COL12A1: variants seen among roughly 807,000 people sequenced by gnomAD.
The protein encoded by COL12A1 is collagen alpha-1(XII) chain.
A neutral mutation model predicts 349.7 loss-of-function variants in COL12A1; 114 were observed. That is an observed-to-expected ratio of 0.33 (90% CI 0.28 to 0.38). The LOEUF (loss-of-function observed/expected upper bound fraction) is 0.38. Ranked by LOEUF, COL12A1 falls within the 10% of genes least tolerant of loss-of-function variation. The pLI, the probability that COL12A1 is intolerant of heterozygous loss-of-function variation, is 1.00. For synonymous variants in COL12A1, 1,369 were observed against 1,329.0 expected (o/e 1.03, Z -0.66); for missense variants, 3,284 against 3,756.9 (o/e 0.87, Z 3.29).
chr6:75,165,358 T>A, intron 14 of COL12A1, 149 bp downstream of exon 14: 1 of 1,104,924 alleles, frequency 9.1e-7, no homozygotes, highest in Non-Finnish European at 1.3e-6. Flanking sequence ...ACTCTGAATT[T>A]AAGCCAAATT....
At chr6:75,092,598 C>T (rs1261935088) in intron 60 of COL12A1, among the ~76,000 whole-genome samples, 1 of 135,870 alleles carries the variant, frequency 7.4e-6, no homozygotes, top group Non-Finnish European at 1.5e-5. Flanking sequence ...TCTCACCATC[C>T]CCATGGAAAC....
intron 25 of COL12A1, 115 bp from the exon 26 acceptor site, chr6:75,143,503 T>C (rs948487354): frequency 5.4e-6 from 6 of 1,113,652 alleles, no homozygotes; most frequent in Non-Finnish European, 7.6e-6. Context: ...TTTGGCAAAA[T>C]AACTGAAAAA....
chr6:75,198,464 T>A lies in COL12A1; in HGVS notation c.74-3517A>T, dbSNP rs1219364198. Among the ~76,000 whole-genome samples, 3 of 150,596 alleles carry A rather than the reference T, an allele frequency of 2.0e-5. No individual in the cohort carries two copies. The South Asian group carries it at 6.2e-4, about 31-fold the overall frequency. On this transcript the variant is annotated intron_variant, in intron 2 of 65. Transcript: ENST00000322507. The stretch of plus-strand genomic sequence containing the variant: ...GTGCATATATTATACATATTACATA[T>A]GTATTACATATGTAATATTGTTATT...
chr6:75,101,876 G>C (rs1350986701), intron 57 of COL12A1, 123 bp downstream of exon 57: 6 of 1,137,584 alleles, frequency 5.3e-6, no homozygotes, highest in African/African-American at 1.5e-5. Context: ...GTATGAAATG[G>C]AAATGAGGTG....
Position 75,177,762 on chromosome 6 carries a change from C to T in COL12A1, c.2338G>A (p.Glu780Lys). 1 of 1,614,044 alleles carries T rather than the reference C, an allele frequency of 6.2e-7. No individual in the cohort carries two copies. Among genetic ancestry groups the T allele is most frequent in the Non-Finnish European group, 8.5e-7 (1 of 1,180,008 alleles). Residue 780 changes from glutamate (E) to lysine (K), a missense_variant, in exon 12 of 66, where the codon GAG becomes AAG. Glu to Lys is a moderately conservative substitution (Grantham distance 56, BLOSUM62 1). Coordinates refer to ENST00000322507, the MANE Select transcript of COL12A1 (RefSeq NM_004370.6). ...TPPNQRRRTL[E>K]NLIPDTKYEV... is the part of the protein sequence containing the mutation. ...TATTTCGTGTCTGGAATCAAGTTCT[C>T]CAGTGTTCTCCTCCTCTGATTGGGT...
chr6:75,167,525 A>G (rs1437707669), intron 13 of COL12A1, among the ~76,000 whole-genome samples: 4 of 152,182 alleles, frequency 2.6e-5, no homozygotes, highest in Non-Finnish European at 5.9e-5. Context: ...TTTTAAAACA[A>G]TTTCAGCTTT....
chr6:75,179,593 A>G (rs1769158484), intron 11 of COL12A1, among the ~76,000 whole-genome samples: 1 of 152,078 alleles, frequency 6.6e-6, no homozygotes, highest in African/African-American at 2.4e-5. Context: ...TGTTTCACAG[A>G]AAAAAGATTC....
rs763108669 is a variant in COL12A1, at chr6:75,191,705, T to A, written c.390A>T (p.Ile130=). ...PVEKKPGKTE[I]QKCSVSAWTD... ...AATAGTAAGAGAAACACTCACTTTG[T>A]ATCTCGGTTTTTCCAGGTTTCTTCT... The change falls in exon 5 of 66, where the codon ATA becomes ATT. Residue 130 remains isoleucine (I), a synonymous_variant. Coordinates refer to ENST00000322507, the MANE Select transcript of COL12A1 (RefSeq NM_004370.6). The A allele has an allele frequency of 4.4e-6, 7 of 1,596,952 alleles. No homozygotes were observed. The highest frequency in any genetic ancestry group is 6.0e-6 in the Non-Finnish European group (7 of 1,171,358).
chr6:75,127,504 G>A (rs1051634450), intron 38 of COL12A1, among the ~76,000 whole-genome samples: 3 of 152,158 alleles, frequency 2.0e-5, no homozygotes, highest in Non-Finnish European at 4.4e-5. Context: ...GATTTTTGGT[G>A]AATGAAGTGT....
chr6:75,165,677 G>A lies in COL12A1; in HGVS notation c.2813C>T (p.Ser938Leu). 1.2e-6 allele frequency: 2 copies of A among 1,613,996 alleles called. No individual in the cohort carries two copies. Among genetic ancestry groups the A allele is most frequent in the African/African-American group, 2.7e-5 (2 of 75,030 alleles). The change falls in exon 14 of 66, where the codon TCA becomes TTA. Residue 938 changes from serine to leucine, a missense_variant. Coordinates refer to ENST00000322507, the MANE Select transcript of COL12A1 (RefSeq NM_004370.6). ...APGMVRGYRV[S>L]WKSLYDDVDT... is the part of the protein sequence containing the mutation. ...AACATCATCATAAAGTGATTTCCATGAGACCCTGTAACCGCGAACCATTCC... is the reference window on the plus strand; with the variant it reads ...AACATCATCATAAAGTGATTTCCATAAGACCCTGTAACCGCGAACCATTCC...
Position 75,156,951 on chromosome 6 carries a change from A to G in COL12A1, c.2984-428T>C, listed in dbSNP as rs149737433. On this transcript the variant is annotated intron_variant, in intron 14 of 65. Coordinates refer to ENST00000322507, the MANE Select transcript of COL12A1 (RefSeq NM_004370.6). ...ACTTTTTCAGAAAAAGTTGCAATCCATAAATAACTAGCCAGAGTGACTGTA... is the reference window on the plus strand; with the variant it reads ...ACTTTTTCAGAAAAAGTTGCAATCCGTAAATAACTAGCCAGAGTGACTGTA... Among the ~76,000 whole-genome samples the G allele has an allele frequency of 2.4e-4, 36 of 152,344 alleles. No homozygotes were observed. In the East Asian group the frequency reaches 6.2e-3, roughly 26 times the overall value.
chr6:75,195,646 T>C (rs1770185207), intron 2 of COL12A1, among the ~76,000 whole-genome samples: 1 of 152,158 alleles, frequency 6.6e-6, no homozygotes, highest in African/African-American at 2.4e-5. Context: ...AATATATAAA[T>C]AGCGATATTC....
chr6:75,127,401 T>C (rs149452220), intron 38 of COL12A1, among the ~76,000 whole-genome samples: 282 of 152,268 alleles, frequency 1.9e-3, no homozygotes, highest in African/African-American at 6.6e-3. Context: ...TGTCACCTCT[T>C]CAAATTCTGT....
chr6:75,204,996 C>A (rs1486116571), intron 1 of COL12A1, among the ~76,000 whole-genome samples: 2 of 151,990 alleles, frequency 1.3e-5, no homozygotes, highest in African/African-American at 4.8e-5. Context: ...CTCCCGAGGT[C>A]GCCCGCTTGG....
intron 55 of COL12A1, among the ~76,000 whole-genome samples, 185 bp from the exon 56 acceptor site, chr6:75,102,877 G>A (rs541869148): frequency 1.3e-5 from 2 of 152,106 alleles, no homozygotes; most frequent in South Asian, 2.1e-4. Context: ...TGAAAAGTAC[G>A]ATAAATTTAC....
intron 58 of COL12A1, among the ~76,000 whole-genome samples, chr6:75,100,355 T>G (rs1232418596): frequency 6.6e-6 from 1 of 152,178 alleles, no homozygotes; most frequent in Non-Finnish European, 1.5e-5. Flanking sequence ...GCTTCGGTCG[T>G]AGCAGCAGCA....
At chr6:75,098,774 C>A (rs1248199659) in intron 58 of COL12A1, among the ~76,000 whole-genome samples, 1 of 152,166 alleles carries the variant, frequency 6.6e-6, no homozygotes, top group Non-Finnish European at 1.5e-5. Context: ...TCAATACACA[C>A]AAAGGCCAGA....
At chr6:75,165,934 T>C (rs1768275980) in intron 13 of COL12A1, among the ~76,000 whole-genome samples, 155 bp from the exon 14 acceptor site, 2 of 152,198 alleles carry the variant, frequency 1.3e-5, no homozygotes, top group African/African-American at 4.8e-5. Context: ...TCCATCCTAT[T>C]CTGTCTGTGG....
intron 57 of COL12A1, 21 bp downstream of exon 57, chr6:75,101,978 G>T: frequency 1.2e-6 from 2 of 1,613,430 alleles, no homozygotes; most frequent in Non-Finnish European, 1.7e-6. Flanking sequence ...ACATGACAGG[G>T]CAACTTAGAG....
Sources: allele counts gnomAD v4.1 joint callset (sites outside exome capture counted in the v4.1 genomes callset), GRCh38; gene constraint gnomAD v4.1.1; transcripts MANE v1.5; gene names NCBI Gene and HGNC (gene_info 2026-07-23, HGNC 2026-07-21).